NSMCE2: variants seen among roughly 807,000 people sequenced by gnomAD.
NSMCE2 encodes the protein E3 SUMO-protein ligase NSE2.
Under a neutral mutation model 23.8 loss-of-function variants are expected in NSMCE2, and 24 were observed. The observed-to-expected ratio is 1.01, with a 90% CI of 0.73 to 1.42. NSMCE2 has a LOEUF of 1.42. Ranked by LOEUF, NSMCE2 falls within the 40% of genes most tolerant of loss-of-function variation. NSMCE2 has a pLI of 0.00. For synonymous variants in NSMCE2, 92 were observed against 94.1 expected (o/e 0.98, Z 0.13); for missense variants, 284 against 296.5 (o/e 0.96, Z 0.31).
chr8:125,184,076 G>A (rs1305526086), intron 5 of NSMCE2, among the ~76,000 whole-genome samples: 1 of 151,842 alleles, frequency 6.6e-6, no homozygotes, highest in Non-Finnish European at 1.5e-5. Context: ...GTAGCCAAAT[G>A]TATTTTATTT....
intron 5 of NSMCE2, among the ~76,000 whole-genome samples, chr8:125,233,602 A>G (rs1825419215): frequency 1.3e-5 from 2 of 152,188 alleles, no homozygotes; most frequent in South Asian, 2.1e-4. Context: ...TTCCGAAATG[A>G]AATGAATGTA....
intron 5 of NSMCE2, among the ~76,000 whole-genome samples, chr8:125,252,491 A>C (rs1195202402): frequency 6.6e-6 from 1 of 152,128 alleles, no homozygotes; most frequent in Non-Finnish European, 1.5e-5. Context: ...CCGCCACTGC[A>C]CTCCAGCCTG....
chr8:125,253,358 T>C (rs1826272516), intron 5 of NSMCE2, among the ~76,000 whole-genome samples: 1 of 152,238 alleles, frequency 6.6e-6, no homozygotes, highest in Non-Finnish European at 1.5e-5. Flanking sequence ...ATTGATAATG[T>C]TTAACCCCTA....
At chr8:125,175,532 C>T (rs1292587196) in intron 4 of NSMCE2, among the ~76,000 whole-genome samples, 1 of 152,128 alleles carries the variant, frequency 6.6e-6, no homozygotes, top group Non-Finnish European at 1.5e-5. Context: ...TTTTGGGAGG[C>T]AGACATCTAA....
Position 125,304,981 on chromosome 8 carries a change from AAG to A in NSMCE2, c.419-52235_419-52234del, listed in dbSNP as rs1828702136. On this transcript the variant is annotated intron_variant, in intron 5 of 7. Coordinates refer to ENST00000287437, the MANE Select transcript of NSMCE2 (RefSeq NM_173685.4). ...GAAGAAAGAAAGAAAAAGGAAAGGA[AAG>A]AGGGAGGGAGGGAAGGAAGGAAGGA... Among the ~76,000 whole-genome samples, 10 of 150,934 alleles carry A rather than the reference AAG, an allele frequency of 6.6e-5. No homozygotes were observed. The South Asian group carries it at 2.1e-3, about 32-fold the overall frequency.
At chr8:125,108,244 A>G (rs1818565468) in intron 3 of NSMCE2, among the ~76,000 whole-genome samples, 1 of 152,208 alleles carries the variant, frequency 6.6e-6, no homozygotes, top group South Asian at 2.1e-4. Context: ...GCCAAGGGCA[A>G]TCACTCCCAC....
At chr8:125,308,713 T>G (rs946426479) in intron 5 of NSMCE2, among the ~76,000 whole-genome samples, 1 of 152,164 alleles carries the variant, frequency 6.6e-6, no homozygotes, top group Non-Finnish European at 1.5e-5. Flanking sequence ...GGAAGCCATT[T>G]TCCTCCCCTT....
At chr8:125,239,694 T>G (rs531196748) in intron 5 of NSMCE2, among the ~76,000 whole-genome samples, 2 of 150,210 alleles carry the variant, frequency 1.3e-5, no homozygotes, top group East Asian at 3.9e-4. Context: ...AAAAGAAAAA[T>G]CATACCACTT....
At chr8:125,143,341 A>G (rs181012397) in intron 3 of NSMCE2, among the ~76,000 whole-genome samples, 5 of 152,356 alleles carry the variant, frequency 3.3e-5, no homozygotes, top group Admixed American at 2.6e-4. Context: ...GGAAATACCC[A>G]TATTCTGTTT....
intron 5 of NSMCE2, among the ~76,000 whole-genome samples, chr8:125,355,699 C>CA (rs140692089): frequency 0.28 from 12,738 of 45,202 alleles, 1,604 homozygotes; most frequent in African/African-American, 0.32. Flanking sequence ...GACTCCATCT[C>CA]AAAAAAAAAA....
At chr8:125,122,136 C>A (rs1466129467) in intron 3 of NSMCE2, among the ~76,000 whole-genome samples, 2 of 138,506 alleles carry the variant, frequency 1.4e-5, no homozygotes, top group African/African-American at 2.8e-5. Flanking sequence ...TCTATGCCAA[C>A]TCTGATGATT....
intron 5 of NSMCE2, among the ~76,000 whole-genome samples, chr8:125,234,066 G>A (rs1208796441): frequency 2.7e-5 from 4 of 150,656 alleles, no homozygotes; most frequent in East Asian, 1.9e-4. Context: ...GGTGTCAGGC[G>A]CCTGTAGTCC....
At chr8:125,253,788 T>C (rs1257126202) in intron 5 of NSMCE2, among the ~76,000 whole-genome samples, 1 of 152,220 alleles carries the variant, frequency 6.6e-6, no homozygotes, top group East Asian at 1.9e-4. Context: ...ATTTCCTAAA[T>C]GTTCTACCAT....
At chr8:125,340,594 G>A (rs16900559) in intron 5 of NSMCE2, among the ~76,000 whole-genome samples, 13,981 of 152,160 alleles carry the variant, frequency 0.092, 732 homozygotes, top group South Asian at 0.16. Context: ...AATAGTCATT[G>A]GCTTTTTTGT....
intron 5 of NSMCE2, among the ~76,000 whole-genome samples, chr8:125,275,877 C>G (rs1015144799): frequency 6.6e-6 from 1 of 152,138 alleles, no homozygotes; most frequent in Admixed American, 6.5e-5. Context: ...CCTGCAAAAC[C>G]CAAGTGTCTT....
chr8:125,286,788 A>AAAG (rs1554632229), intron 5 of NSMCE2, among the ~76,000 whole-genome samples: 1 of 151,744 alleles, frequency 6.6e-6, no homozygotes, highest in East Asian at 1.9e-4. Context: ...AAAAAAAAAA[A>AAAG]AAAAATTGCC....
At chr8:125,156,001 T>C (rs1407132900) in intron 4 of NSMCE2, 3 of 451,674 alleles carry the variant, frequency 6.6e-6, no homozygotes, top group Admixed American at 2.4e-5. Context: ...TCCTCTCAGC[T>C]AGGTGTGGTG....
At chr8:125,337,799 G>A (rs1830107675) in intron 5 of NSMCE2, among the ~76,000 whole-genome samples, 1 of 151,004 alleles carries the variant, frequency 6.6e-6, no homozygotes, top group Admixed American at 6.7e-5. Context: ...GGAGGCTGAG[G>A]CAGGAGAATT....
intron 5 of NSMCE2, among the ~76,000 whole-genome samples, chr8:125,259,346 A>G (rs1826581984): frequency 6.6e-6 from 1 of 152,162 alleles, no homozygotes; most frequent in African/African-American, 2.4e-5. Context: ...TGAGCAGCCC[A>G]CAAGCGAGCA....
Sources: allele counts gnomAD v4.1 joint callset (sites outside exome capture counted in the v4.1 genomes callset), GRCh38; gene constraint gnomAD v4.1.1; transcripts MANE v1.5; gene names NCBI Gene and HGNC (gene_info 2026-07-23, HGNC 2026-07-21).